The following ACTN4 variants were observed in gnomAD, a reference collection of about 807,000 sequenced individuals.
ACTN4 encodes actinin alpha 4.
ACTN4 carries 18 observed loss-of-function variants against 114.2 expected under a neutral mutation model. The ratio of observed to expected loss-of-function variants is 0.16; its 90% CI spans 0.11 to 0.23. The LOEUF (loss-of-function observed/expected upper bound fraction) is 0.23, where lower values mean the gene tolerates loss of function less well. Among genes scored for constraint, ACTN4 ranks in the 10% least tolerant of loss-of-function variants. ACTN4 has a pLI of 1.00. For missense variants in ACTN4, 722 were observed against 1,262.9 expected, an observed-to-expected ratio of 0.57 and a Z score of 6.49; for synonymous variants, 515 against 506.3, an observed-to-expected ratio of 1.02 and a Z score of -0.23.
chr19:38,704,614 A>C (rs569580232), intron 3 of ACTN4, among the ~76,000 whole-genome samples: 2 of 152,358 alleles, frequency 1.3e-5, no homozygotes, highest in East Asian at 3.9e-4. Flanking sequence ...AACAGAGGCC[A>C]CACGCCTGGG....
chr19:38,650,448 C>A (rs765359102), intron 1 of ACTN4, among the ~76,000 whole-genome samples: 3 of 152,144 alleles, frequency 2.0e-5, no homozygotes, highest in Non-Finnish European at 4.4e-5. Flanking sequence ...CCTCTGGGGC[C>A]GGGCAGGTTT....
In ACTN4 at chr19:38,725,817, C is replaced by A. The variant is rs1969214128; in HGVS notation, c.2104C>A (p.Pro702Thr). 1 of 1,614,070 alleles carries A rather than the reference C, an allele frequency of 6.2e-7. No individual in the cohort carries two copies. Among genetic ancestry groups the A allele is most frequent in the South Asian group, 1.1e-5 (1 of 91,092 alleles). The change falls in exon 17 of 21, where the codon CCC (proline) becomes ACC (threonine). Residue 702 changes from proline (P) to threonine (T), a missense_variant. Pro to Thr is a conservative substitution (Grantham distance 38). Around this residue, in one of 3 missense-constraint regions of ACTN4, gnomAD observed 523 missense variants for 875.9 expected, o/e 0.60. Coordinates refer to ENST00000252699, the MANE Select transcript of ACTN4 (RefSeq NM_004924.6). ...QYERSIVDYK[P>T]NLDLLEQQHQ... is the part of the protein sequence containing the mutation. ...TGAACGCAGCATCGTGGACTACAAG[C>A]CCAACCTGGACCTGCTGGAGCAGCA...
chr19:38,673,589 A>G (rs555526460), intron 1 of ACTN4, among the ~76,000 whole-genome samples: 1 of 108,060 alleles, frequency 9.3e-6, no homozygotes, highest in East Asian at 2.3e-4. Context: ...ATATATATTT[A>G]TATATATTCA....
intron 1 of ACTN4, among the ~76,000 whole-genome samples, chr19:38,686,469 G>A (rs1048687869): frequency 1.1e-4 from 17 of 149,546 alleles, no homozygotes; most frequent in African/African-American, 3.4e-4. Flanking sequence ...GAAGGGCCCC[G>A]TGTGCCTGAT....
intron 20 of ACTN4, 51 bp from the exon 21 acceptor site, chr19:38,729,223 G>A: frequency 6.2e-7 from 1 of 1,612,280 alleles, no homozygotes; most frequent in Non-Finnish European, 8.5e-7. Context: ...GGGGCTGAGG[G>A]GGCCAGTGTG....
chr19:38,659,272 G>C (rs1378422136), intron 1 of ACTN4, among the ~76,000 whole-genome samples: 1 of 151,866 alleles, frequency 6.6e-6, no homozygotes. Context: ...TGTTGGCCAG[G>C]CTGGTCTTGA....
intron 1 of ACTN4, among the ~76,000 whole-genome samples, chr19:38,651,506 T>C (rs1054572445): frequency 3.3e-5 from 5 of 152,088 alleles, no homozygotes; most frequent in African/African-American, 1.2e-4. Flanking sequence ...AAGGGTGAGA[T>C]CTCTTGAAGG....
At chr19:38,726,551 G>A (rs1279392100) in intron 17 of ACTN4, among the ~76,000 whole-genome samples, 2 of 152,204 alleles carry the variant, frequency 1.3e-5, no homozygotes, top group South Asian at 2.1e-4. Context: ...GCTGGTCGCC[G>A]TCATATTGGT....
chr19:38,696,105 C>G (rs1459403062), intron 1 of ACTN4, among the ~76,000 whole-genome samples: 3 of 152,154 alleles, frequency 2.0e-5, no homozygotes, highest in Non-Finnish European at 4.4e-5. Context: ...CAGTGCCCGC[C>G]CCTAGTAGAC....
chr19:38,665,545 C>A (rs1468832388), intron 1 of ACTN4, among the ~76,000 whole-genome samples: 2 of 152,168 alleles, frequency 1.3e-5, no homozygotes, highest in Non-Finnish European at 2.9e-5. Flanking sequence ...CCAAAACATA[C>A]ACCCCTTTCC....
At chr19:38,696,738 G>A (rs1968106718) in intron 1 of ACTN4, among the ~76,000 whole-genome samples, 1 of 152,126 alleles carries the variant, frequency 6.6e-6, no homozygotes, top group Non-Finnish European at 1.5e-5. Context: ...GCAAGACATG[G>A]GGTGAGAACA....
At chr19:38,658,743 T>G (rs1295119524) in intron 1 of ACTN4, among the ~76,000 whole-genome samples, 1 of 152,190 alleles carries the variant, frequency 6.6e-6, no homozygotes, top group Non-Finnish European at 1.5e-5. Context: ...TCTTACAGGC[T>G]GTCTACGAAC....
chr19:38,691,182 G>A (rs964709515), intron 1 of ACTN4, among the ~76,000 whole-genome samples: 1 of 152,144 alleles, frequency 6.6e-6, no homozygotes, highest in African/African-American at 2.4e-5. Context: ...TTGGGAGGCC[G>A]AGGTGGGCGG....
At chr19:38,695,624 T>C (rs1446324708) in intron 1 of ACTN4, among the ~76,000 whole-genome samples, 1 of 152,148 alleles carries the variant, frequency 6.6e-6, no homozygotes, top group Non-Finnish European at 1.5e-5. Flanking sequence ...TTAATGGCTT[T>C]GTGAGGCCAG....
intron 2 of ACTN4, 45 bp downstream of exon 2, chr19:38,700,759 G>C: frequency 6.4e-7 from 1 of 1,555,500 alleles, no homozygotes; most frequent in Non-Finnish European, 8.8e-7. Flanking sequence ...TGGCACAGGT[G>C]CTCTGCCACA....
At position 38,647,784 on chromosome 19, in the gene ACTN4, C is replaced by T. The variant is rs1338314823; in HGVS notation, c.39C>T (p.Tyr13=). Residue 13 remains tyrosine (Y), a synonymous_variant, in exon 1 of 21, where the codon TAC becomes TAT. Coordinates refer to ENST00000252699, the MANE Select transcript of ACTN4 (RefSeq NM_004924.6). ...ACGCGGCGAACCAGTCGTACCAGTA[C>T]GGCCCCAGCAGCGCGGGCAATGGCG... The part of the protein sequence containing the change: ...DYHAANQSYQ[Y]GPSSAGNGAG... 6.4e-7 allele frequency: 1 copy of T among 1,555,208 alleles called. No homozygotes were observed. Among genetic ancestry groups the T allele is most frequent in the Non-Finnish European group, 8.7e-7 (1 of 1,152,360 alleles).
At chr19:38,700,575 A>C in intron 1 of ACTN4, 25 bp from the exon 2 acceptor site, 1 of 1,591,458 alleles carries the variant, frequency 6.3e-7, no homozygotes, top group East Asian at 2.2e-5. Flanking sequence ...GACTCTGCGC[A>C]CTGTCCTTTG....
Position 38,730,724 on chromosome 19 carries a change from T to A in ACTN4, c.*1292T>A, listed in dbSNP as rs182281414. On this transcript the variant is annotated 3_prime_UTR_variant, in exon 21 of 21. Coordinates refer to ENST00000252699, the MANE Select transcript of ACTN4 (RefSeq NM_004924.6). ...AGAGTGGTCACCCGGCCGTGAGCAG[T>A]GAGGGCCAGAGACTAGCCCCAGACA... The A allele has an allele frequency of 1.7e-6, 2 of 1,203,332 alleles. No homozygotes were observed. Among genetic ancestry groups the A allele is most frequent in the Non-Finnish European group, 2.4e-6 (2 of 847,486 alleles). The allele number at this position is 1,203,332 out of a possible 1,614,324, so 74.5% of individuals were successfully genotyped here.
chr19:38,710,116 G>A, intron 7 of ACTN4, 141 bp from the exon 8 acceptor site: 1 of 853,314 alleles, frequency 1.2e-6, no homozygotes, highest in Non-Finnish European at 2.0e-6. Context: ...TGAGGGTGTG[G>A]CTGAGCCCAC....
Sources: gnomAD v4.1 joint callset for allele counts (sites outside exome capture counted in the v4.1 genomes callset) on GRCh38, gnomAD v4.1.1 for gene constraint, gnomAD v4.1.1 regional missense constraint, MANE v1.5 for transcripts, NCBI Gene and HGNC (gene_info 2026-07-23, HGNC 2026-07-21) for gene names.